The following TLN1 variants were observed in gnomAD, a reference collection of about 807,000 sequenced individuals.
TLN1 encodes the protein talin 1.
A neutral mutation model predicts 292.3 loss-of-function variants in TLN1; 56 were observed. The ratio of observed to expected loss-of-function variants is 0.19; its 90% CI spans 0.15 to 0.24. The LOEUF (loss-of-function observed/expected upper bound fraction) is 0.24. Among genes scored for constraint, TLN1 ranks in the 10% least tolerant of loss-of-function variants. The probability of loss-of-function intolerance (pLI) is 1.00; values close to 1 mark genes in which losing one functional copy is unlikely to be tolerated. For synonymous variants in TLN1, 1,119 were observed against 1,253.7 expected (o/e 0.89, Z 2.27); for missense variants, 2,433 against 3,248.2 (o/e 0.75, Z 6.10).
rs754832772 is a variant in TLN1, at chr9:35,707,465, C to T, written c.4656G>A (p.Glu1552=). 3 of 1,614,166 alleles carry T rather than the reference C, an allele frequency of 1.9e-6. No individual in the cohort carries two copies. The highest frequency in any genetic ancestry group is 1.7e-5 in the Admixed American group (1 of 60,014). The change falls in exon 36 of 57, where the codon GAG becomes GAA. Residue 1552 remains glutamate (E), a synonymous_variant. Transcript: ENST00000314888. This position sits in a 1 kb window ranked among gnomAD's most constrained non-coding sequence, Gnocchi z 5.6. The part of the protein sequence containing the change: ...TIKALDGAFT[E]ENRAQCRAAT... ...CTGCTCGGCACTGGGCACGGTTCTC[C>T]TCTGTGAAGGCCCCATCTAGCGCCT... is the stretch of plus-strand genomic sequence containing the variant.
At chr9:35,716,115 G>C (rs1037782361) in intron 20 of TLN1, among the ~76,000 whole-genome samples, 2 of 151,484 alleles carry the variant, frequency 1.3e-5, no homozygotes, top group Non-Finnish European at 1.5e-5. Context: ...TAACACTTCG[G>C]GAGGCCAAGG....
chr9:35,707,691 G>A lies in TLN1; in HGVS notation c.4632+40C>T. 1 of 1,613,426 alleles carries A rather than the reference G, an allele frequency of 6.2e-7. No homozygotes were observed. Among genetic ancestry groups the A allele is most frequent in the Non-Finnish European group, 8.5e-7 (1 of 1,179,552 alleles). On this transcript the variant is annotated intron_variant, in intron 35 of 56. Coordinates refer to ENST00000314888, the MANE Select transcript of TLN1 (RefSeq NM_006289.4). This position sits in a 1 kb window ranked among gnomAD's most constrained non-coding sequence, Gnocchi z 5.6. ...CTGGGGGACTCGGGGGAGAAGATAG[G>A]ACAGGTCAGGGAGAGGCTGGGAATT...
Position 35,699,879 on chromosome 9 carries a change from T to G in TLN1, c.6768+95A>C, listed in dbSNP as rs1825432181. 7.5e-7 allele frequency: 1 copy of G among 1,328,912 alleles called. No individual in the cohort carries two copies. The highest frequency in any genetic ancestry group is 1.0e-6 in the Non-Finnish European group (1 of 966,968). 82.3% of individuals were successfully genotyped at this position (1,328,912 alleles called of 1,614,324 possible). ...AGTAGAGGGTGGGGTAGGGAGGAGA[T>G]CTGAGCAAAACAGACAGCAGGGTGC... On this transcript the variant is annotated intron_variant, in intron 50 of 56. Transcript: ENST00000314888. The surrounding 1 kb of genome is among the most constrained non-coding windows in gnomAD (Gnocchi z 4.0).
chr9:35,711,680 T>C lies in TLN1; in HGVS notation c.3794A>G (p.Gln1265Arg), dbSNP rs1317471415. 1.9e-6 allele frequency: 3 copies of C among 1,614,218 alleles called. No homozygotes were observed. The highest frequency in any genetic ancestry group is 2.5e-6 in the Non-Finnish European group (3 of 1,180,044). The part of the protein sequence containing the change: ...ELVQASRGTP[Q>R]DLARASGRFG... ...TCGGCCTGAGGCTCGAGCCAGGTCCTGAGGGGTTCCCCGAGAGGCCTGCAC... is the reference window on the plus strand; with the variant it reads ...TCGGCCTGAGGCTCGAGCCAGGTCCCGAGGGGTTCCCCGAGAGGCCTGCAC... The change falls in exon 29 of 57, where the codon CAG (glutamine) becomes CGG (arginine). Residue 1265 changes from glutamine (Q) to arginine (R), a missense_variant. Coordinates refer to ENST00000314888, the MANE Select transcript of TLN1 (RefSeq NM_006289.4).
In TLN1 at chr9:35,713,039, A is replaced by G. The variant is rs1346244887; in HGVS notation, c.3357T>C (p.Ile1119=). 27 of 1,606,756 alleles carry G rather than the reference A, an allele frequency of 1.7e-5. No individual in the cohort carries two copies. The highest frequency in any genetic ancestry group is 2.1e-5 in the Non-Finnish European group (25 of 1,176,440). Reference sequence around the variant, plus strand: ...GCCCACCTGCCACATCCCGAGCTGCAATACCTTGGGAGATGAGGAGAAAGA... The same window carrying G: ...GCCCACCTGCCACATCCCGAGCTGCGATACCTTGGGAGATGAGGAGAAAGA... The part of the protein sequence containing the change: ...VAQGNENYAG[I]AARDVAGGLR... Residue 1119 remains isoleucine, a synonymous_variant, in exon 27 of 57, where the codon ATT becomes ATC. Transcript: ENST00000314888.
chr9:35,710,931 G>T (rs1296296609), intron 31 of TLN1, 45 bp from the exon 32 acceptor site: 1 of 1,613,598 alleles, frequency 6.2e-7, no homozygotes, highest in South Asian at 1.1e-5. Context: ...ACCTCCCTCA[G>T]GCCCAAAACC....
chr9:35,708,554 G>GA, intron 33 of TLN1, 70 bp from the exon 34 acceptor site: 2 of 1,412,612 alleles, frequency 1.4e-6, no homozygotes, highest in Non-Finnish European at 1.9e-6. Flanking sequence ...TGATAGTAGG[G>GA]ACAAAAGAGA....
chr9:35,703,426 A>T, intron 48 of TLN1, 134 bp downstream of exon 48: 1 of 844,884 alleles, frequency 1.2e-6, no homozygotes, highest in Admixed American at 2.0e-5. Flanking sequence ...CCTTCTCAAA[A>T]AAAAAGTCTG....
Position 35,720,122 on chromosome 9 carries a change from C to G in TLN1, c.1381G>C (p.Glu461Gln). The change falls in exon 13 of 57, where the codon GAG (glutamate) becomes CAG (glutamine). Residue 461 changes from glutamate (E) to glutamine (Q), a missense_variant. Physicochemically the swap from Glu to Gln is conservative, Grantham distance 29. Transcript: ENST00000314888. ...GGCATGCTGCCCACCTGGAAATTCT[C>G]AGGACCAGAGGCTCCAGAGCGCATG... ...AIMRSGASGP[E>Q]NFQVGSMPPA... is the part of the protein sequence containing the mutation. 6.2e-7 allele frequency: 1 copy of G among 1,612,548 alleles called. No individual in the cohort carries two copies. Among genetic ancestry groups the G allele is most frequent in the East Asian group, 2.2e-5 (1 of 44,878 alleles).
rs753112105 is a variant in TLN1, at chr9:35,719,122, C to T, written c.1848G>A (p.Ala616=). 39 of 1,613,958 alleles carry T rather than the reference C, an allele frequency of 2.4e-5. No individual in the cohort carries two copies. Among genetic ancestry groups the T allele is most frequent in the South Asian group, 3.3e-5 (3 of 91,088 alleles). ...TGCGCAGCAGTTCTGACACTGCTCC[C>T]GCAAGGCCCTTTGCTGCCTGCAACA... ...RPLLQAAKGL[A]GAVSELLRSA... Residue 616 remains alanine (A), a synonymous_variant, in exon 16 of 57, where the codon GCG becomes GCA. Coordinates refer to ENST00000314888, the MANE Select transcript of TLN1 (RefSeq NM_006289.4). The surrounding 1 kb of genome is among the most constrained non-coding windows in gnomAD (Gnocchi z 4.6).
rs1331607060 is a variant in TLN1 at position 35,706,358 on chromosome 9, C to A, written c.5199G>T (p.Gln1733His). ...EASQLGHKVS[Q>H]MAQYFEPLTL... ...TGAGCGGCTCAAAGTACTGCGCCAT[C>A]TGGGACACCTGAGGCAAGGGGTTGG... Residue 1733 changes from glutamine (Q) to histidine (H), a missense_variant, in exon 40 of 57, where the codon CAG (glutamine) becomes CAT (histidine). Physicochemically the swap from Gln to His is conservative, Grantham distance 24 (BLOSUM62 0). Around this residue, in one of 7 missense-constraint regions of TLN1, gnomAD observed 1,384 missense variants for 1,699.6 expected, o/e 0.81. Transcript: ENST00000314888. This position sits in a 1 kb window ranked among gnomAD's most constrained non-coding sequence, Gnocchi z 4.2. The A allele has an allele frequency of 6.2e-7, 1 of 1,609,384 alleles. No homozygotes were observed. Among genetic ancestry groups the A allele is most frequent in the South Asian group, 1.1e-5 (1 of 90,280 alleles).
chr9:35,725,786 A>G, intron 1 of TLN1, 59 bp from the exon 2 acceptor site: 2 of 1,498,048 alleles, frequency 1.3e-6, no homozygotes, highest in Non-Finnish European at 9.1e-7. Context: ...GAGGCCCCCC[A>G]GATGGTGGAG....
At chr9:35,728,059 C>T (rs1387260208) in intron 1 of TLN1, among the ~76,000 whole-genome samples, 9 of 152,180 alleles carry the variant, frequency 5.9e-5, no homozygotes, top group Admixed American at 1.3e-4. Context: ...CAGCAACTCC[C>T]CACTGCCGTG....
chr9:35,706,229 T>A lies in TLN1; in HGVS notation c.5328A>T (p.Leu1776=). The stretch of plus-strand genomic sequence containing the variant: ...TACCACCAGCCTCCTTGGCAGTGTA[T>A]AGCAACTGCAGGGCAGACTCTGCCA... ...KTLAESALQL[L]YTAKEAGGNP... Residue 1776 remains leucine, a synonymous_variant, in exon 40 of 57, where the codon CTA becomes CTT. Transcript: ENST00000314888. This position sits in a 1 kb window ranked among gnomAD's most constrained non-coding sequence, Gnocchi z 4.2. 1 of 1,611,242 alleles carries A rather than the reference T, an allele frequency of 6.2e-7. No homozygotes were observed. The highest frequency in any genetic ancestry group is 1.7e-5 in the Admixed American group (1 of 59,844).
chr9:35,708,761 A>G (rs1825608457), intron 33 of TLN1, among the ~76,000 whole-genome samples: 2 of 152,358 alleles, frequency 1.3e-5, no homozygotes, highest in East Asian at 1.9e-4. Context: ...TCCAATCTCT[A>G]TTTAGATATG....
chr9:35,698,130 T>C lies in TLN1; in HGVS notation c.7414A>G (p.Lys2472Glu). Residue 2472 changes from lysine (K) to glutamate (E), a missense_variant, in exon 56 of 57, where the codon AAA (lysine) becomes GAA (glutamate). Coordinates refer to ENST00000314888, the MANE Select transcript of TLN1 (RefSeq NM_006289.4). This position sits in a 1 kb window ranked among gnomAD's most constrained non-coding sequence, Gnocchi z 5.3. ...AVKRASDNLV[K>E]AAQKAAAFEE... ...AAGGCTGCAGCCTTCTGTGCTGCTT[T>C]CACCAGATTATCTGAGGCTCGCTTC... The C allele has an allele frequency of 1.2e-6, 2 of 1,614,086 alleles. No individual in the cohort carries two copies. The highest frequency in any genetic ancestry group is 1.7e-6 in the Non-Finnish European group (2 of 1,180,052).
chr9:35,720,629 CTTT>C (rs372029210), intron 11 of TLN1, 120 bp from the exon 12 acceptor site: 2,270 of 820,180 alleles, frequency 2.8e-3, no homozygotes, highest in Middle Eastern at 4.3e-3. Context: ...ATTTCTTTTT[CTTT>C]TTTTTTTTTT....
rs1563945632 is a variant in TLN1 at position 35,719,698 on chromosome 9, T to C, written c.1578+42A>G. The C allele has an allele frequency of 6.2e-7, 1 of 1,611,626 alleles. No individual in the cohort carries two copies. Among genetic ancestry groups the C allele is most frequent in the East Asian group, 2.2e-5 (1 of 44,840 alleles). ...CACCTCATCCCTATCCCTTGGAGTC[T>C]CAGCTTCAGTACCACCGGCCTCTCC... On this transcript the variant is annotated intron_variant, in intron 14 of 56. Coordinates refer to ENST00000314888, the MANE Select transcript of TLN1 (RefSeq NM_006289.4). The surrounding 1 kb of genome is among the most constrained non-coding windows in gnomAD (Gnocchi z 4.6).
chr9:35,716,478 C>T lies in TLN1; in HGVS notation c.2537G>A (p.Gly846Glu), dbSNP rs1218171844. 6.2e-7 allele frequency: 1 copy of T among 1,614,224 alleles called. No homozygotes were observed. The highest frequency in any genetic ancestry group is 1.1e-5 in the South Asian group (1 of 91,082). ...LVNAIKADAEGESDLENSRKL... is the reference protein window; with the variant it reads ...LVNAIKADAEEESDLENSRKL... The stretch of plus-strand genomic sequence containing the variant: ...GCGGGAGTTCTCCAGATCACTTTCC[C>T]CCTCAGCATCAGCCTTGATGGCATT... Residue 846 changes from glycine (G) to glutamate (E), a missense_variant, in exon 20 of 57, where the codon GGG becomes GAG. Gly to Glu is a moderately conservative substitution (Grantham distance 98). Around this residue, in one of 7 missense-constraint regions of TLN1, gnomAD observed 617 missense variants for 770.6 expected, o/e 0.80. Coordinates refer to ENST00000314888, the MANE Select transcript of TLN1 (RefSeq NM_006289.4).
Sources: gnomAD v4.1 joint callset for allele counts (sites outside exome capture counted in the v4.1 genomes callset) on GRCh38, gnomAD v4.1.1 for gene constraint, gnomAD v4.1.1 regional missense constraint, Gnocchi (gnomAD v3.1) non-coding constraint, MANE v1.5 for transcripts, NCBI Gene and HGNC (gene_info 2026-07-23, HGNC 2026-07-21) for gene names.